TOGARAM2: variants seen among roughly 807,000 people sequenced by gnomAD.
TOGARAM2 encodes the protein TOG array regulator of axonemal microtubules protein 2.
In TOGARAM2, 85 loss-of-function variants were observed where a neutral mutation model predicts 93.3. The observed-to-expected ratio is 0.91, with a 90% CI of 0.76 to 1.09. TOGARAM2 has a LOEUF of 1.09. TOGARAM2 is among the 50% of genes least tolerant of loss of function. The pLI, the probability that TOGARAM2 is intolerant of heterozygous loss-of-function variation, is 0.00. For missense variants in TOGARAM2, 1,277 were observed against 1,334.5 expected, an observed-to-expected ratio of 0.96 and a Z score of 0.67; for synonymous variants, 593 against 552.8, an observed-to-expected ratio of 1.07 and a Z score of -1.02.
chr2:28,962,206 C>T (rs1487532249), intron 1 of TOGARAM2, among the ~76,000 whole-genome samples: 3 of 149,508 alleles, frequency 2.0e-5, no homozygotes, highest in East Asian at 2.0e-4. Context: ...GACAGAGTCT[C>T]GCTCTGTCAC....
chr2:28,993,273 TAG>T (rs1212843714), intron 1 of TOGARAM2, among the ~76,000 whole-genome samples: 1 of 152,148 alleles, frequency 6.6e-6, no homozygotes, highest in Non-Finnish European at 1.5e-5. Flanking sequence ...ATCCTCTGGT[TAG>T]AGATATGGGG....
At chr2:29,040,920 A>G (rs1398477582) in intron 18 of TOGARAM2, among the ~76,000 whole-genome samples, 1 of 152,094 alleles carries the variant, frequency 6.6e-6, no homozygotes, top group African/African-American at 2.4e-5. Context: ...ATAGGGGTTA[A>G]TAGGGGTTCA....
At chr2:29,012,065 G>A (rs13020900) in intron 7 of TOGARAM2, among the ~76,000 whole-genome samples, 37,855 of 152,136 alleles carry the variant, frequency 0.25, 4,848 homozygotes, top group Middle Eastern at 0.29. Flanking sequence ...GGATTGAGGC[G>A]AGGAGAGGGG....
intron 18 of TOGARAM2, among the ~76,000 whole-genome samples, chr2:29,038,453 GT>G (rs1666248489): frequency 6.6e-6 from 1 of 152,118 alleles, no homozygotes; most frequent in African/African-American, 2.4e-5. Context: ...AGCCCAAAGG[GT>G]AAAATATACT....
intron 6 of TOGARAM2, 113 bp downstream of exon 6, chr2:29,003,795 C>A: frequency 9.6e-7 from 1 of 1,045,760 alleles, no homozygotes; most frequent in South Asian, 2.1e-5. Flanking sequence ...TCTTGGGACA[C>A]CAGGCAGGGA....
At chr2:29,023,668 G>A (rs572702977) in intron 12 of TOGARAM2, among the ~76,000 whole-genome samples, 1 of 152,182 alleles carries the variant, frequency 6.6e-6, no homozygotes, top group Admixed American at 6.5e-5. Context: ...TGAATACGGA[G>A]GACGCTGTTT....
At chr2:28,970,076 G>A (rs1432567704) in intron 1 of TOGARAM2, among the ~76,000 whole-genome samples, 1 of 152,178 alleles carries the variant, frequency 6.6e-6, no homozygotes, top group Admixed American at 6.5e-5. Flanking sequence ...CTCCCAAAGT[G>A]CTAGGATTAC....
At chr2:28,966,246 G>A (rs1671865465) in intron 1 of TOGARAM2, among the ~76,000 whole-genome samples, 1 of 151,670 alleles carries the variant, frequency 6.6e-6, no homozygotes, top group Admixed American at 6.6e-5. Flanking sequence ...CTGCCTTGGT[G>A]TCCCAAGGTG....
chr2:29,041,431 G>A (rs1238785499), intron 18 of TOGARAM2, among the ~76,000 whole-genome samples: 2 of 152,196 alleles, frequency 1.3e-5, no homozygotes, highest in East Asian at 3.8e-4. Context: ...CCTAGTGCTG[G>A]TAGCCATGGT....
intron 18 of TOGARAM2, among the ~76,000 whole-genome samples, chr2:29,039,161 G>A (rs1308895399): frequency 1.3e-5 from 2 of 152,194 alleles, no homozygotes; most frequent in African/African-American, 4.8e-5. Context: ...GGTTCTAGTG[G>A]TTTCTTGGGG....
chr2:28,960,907 C>T (rs1006840364), intron 1 of TOGARAM2, among the ~76,000 whole-genome samples: 1 of 152,166 alleles, frequency 6.6e-6, no homozygotes, highest in African/African-American at 2.4e-5. Context: ...TGGTCTGAAA[C>T]AGCACAGGTC....
At chr2:28,967,527 A>AAAATG (rs1293149796) in intron 1 of TOGARAM2, among the ~76,000 whole-genome samples, 1 of 152,208 alleles carries the variant, frequency 6.6e-6, no homozygotes, top group Non-Finnish European at 1.5e-5. Flanking sequence ...CTCTGCTTAA[A>AAAATG]AAATGTAGAA....
At chr2:28,989,352 G>A (rs1485369525) in intron 1 of TOGARAM2, among the ~76,000 whole-genome samples, 2 of 149,736 alleles carry the variant, frequency 1.3e-5, no homozygotes, top group African/African-American at 4.9e-5. Context: ...TACCGGGCCC[G>A]CTTTTCATAT....
chr2:28,992,198 C>A (rs1672766579), intron 1 of TOGARAM2, among the ~76,000 whole-genome samples: 1 of 152,158 alleles, frequency 6.6e-6, no homozygotes, highest in Non-Finnish European at 1.5e-5. Flanking sequence ...GGATATGGAT[C>A]ATTCAGTTCC....
intron 4 of TOGARAM2, among the ~76,000 whole-genome samples, chr2:29,001,562 G>A (rs1340760610): frequency 2.0e-5 from 3 of 151,374 alleles, no homozygotes; most frequent in Non-Finnish European, 4.4e-5. Context: ...GTGCAGTGGT[G>A]CGATCTCGGC....
Position 29,003,584 on chromosome 2 carries a change from G to T in TOGARAM2, c.732G>T (p.Arg244Ser). ...TGATCCCACCCATCCCAAAGGCCAG[G>T]ACGGTTGCAGCGACCCCCTCCCGTG... ...AIVIPPIPKA[R>S]TVAATPSRVP... Residue 244 changes from arginine (R) to serine (S), a missense_variant, in exon 6 of 20, where the codon AGG (arginine) becomes AGT (serine). Physicochemically the swap from Arg to Ser is moderately radical, Grantham distance 110. Transcript: ENST00000379558. 1.3e-6 allele frequency: 2 copies of T among 1,596,116 alleles called. No homozygotes were observed. Among genetic ancestry groups the T allele is most frequent in the East Asian group, 2.3e-5 (1 of 43,136 alleles).
chr2:28,975,466 G>A (rs1672014470), intron 1 of TOGARAM2, among the ~76,000 whole-genome samples: 2 of 151,902 alleles, frequency 1.3e-5, no homozygotes, highest in African/African-American at 4.8e-5. Flanking sequence ...GGGATTACAG[G>A]TGTGAGCCAG....
upstream of TOGARAM2, among the ~76,000 whole-genome samples, chr2:28,977,899 GT>G (rs72061290): frequency 0.18 from 26,469 of 148,782 alleles, 2,950 homozygotes; most frequent in East Asian, 0.61. Flanking sequence ...GGTATAAAGT[GT>G]TTTTTTTTTG....
intron 1 of TOGARAM2, among the ~76,000 whole-genome samples, chr2:28,969,558 A>G (rs537493609): frequency 6.6e-6 from 1 of 152,316 alleles, no homozygotes; most frequent in African/African-American, 2.4e-5. Flanking sequence ...GTACAAGAAG[A>G]AAAACAAAAA....
Sources: gnomAD v4.1 joint callset for allele counts (sites outside exome capture counted in the v4.1 genomes callset) on GRCh38, gnomAD v4.1.1 for gene constraint, MANE v1.5 for transcripts, NCBI Gene and HGNC (gene_info 2026-07-23, HGNC 2026-07-21) for gene names.